ST7: variants seen among roughly 807,000 people sequenced by gnomAD.
ST7 encodes suppressor of tumorigenicity 7 protein.
A neutral mutation model predicts 78.7 loss-of-function variants in ST7; 28 were observed. The observed-to-expected ratio is 0.36, with a 90% CI of 0.26 to 0.49. The LOEUF is 0.49. Among genes scored for constraint, ST7 ranks in the 20% least tolerant of loss-of-function variants. The probability of loss-of-function intolerance (pLI) is 0.99; values close to 1 mark genes in which losing one functional copy is unlikely to be tolerated. For missense variants in ST7, 418 were observed against 696.0 expected (o/e 0.60, Z 4.49); for synonymous variants, 247 against 249.6 (o/e 0.99, Z 0.10).
chr7:116,977,222 T>C (rs945174158), intron 1 of ST7, among the ~76,000 whole-genome samples: 10 of 152,240 alleles, frequency 6.6e-5, no homozygotes, highest in African/African-American at 2.2e-4. Flanking sequence ...TCTTTCCATG[T>C]AATAATCTAA....
At chr7:117,026,914 T>G (rs1796212185) in intron 1 of ST7, among the ~76,000 whole-genome samples, 1 of 152,140 alleles carries the variant, frequency 6.6e-6, no homozygotes, top group Non-Finnish European at 1.5e-5. Flanking sequence ...ATAGGAGGTT[T>G]GAGGGGAGGA....
At chr7:117,221,858 A>G (rs1013257133) in intron 14 of ST7, 65 bp from the exon 15 acceptor site, 41 of 1,496,280 alleles carry the variant, frequency 2.7e-5, no homozygotes, top group Non-Finnish European at 3.5e-5. Context: ...GTGCCACCAT[A>G]AAGACCTCCC....
chr7:116,953,807 A>G (rs1036269978), intron 1 of ST7, 116 bp downstream of exon 1: 24 of 671,152 alleles, frequency 3.6e-5, no homozygotes, highest in Admixed American at 6.3e-5. Context: ...GGGCCCGCGC[A>G]CCGGAGGCCC....
At chr7:117,044,503 C>T (rs1247108215) in intron 1 of ST7, among the ~76,000 whole-genome samples, 12 of 152,234 alleles carry the variant, frequency 7.9e-5, no homozygotes, top group African/African-American at 2.2e-4. Context: ...TGTGCCACCA[C>T]GCCCATCTAA....
At chr7:117,063,248 A>T (rs928974427) in intron 1 of ST7, among the ~76,000 whole-genome samples, 4 of 152,212 alleles carry the variant, frequency 2.6e-5, no homozygotes, top group Non-Finnish European at 5.9e-5. Flanking sequence ...AAATAATATG[A>T]CTGATGATTT....
intron 1 of ST7, among the ~76,000 whole-genome samples, chr7:117,015,985 CAGTT>C (rs2115967917): frequency 6.6e-6 from 1 of 152,192 alleles, no homozygotes; most frequent in South Asian, 2.1e-4. Context: ...TTTGGCAAGA[CAGTT>C]AATTACAGTG....
intron 1 of ST7, among the ~76,000 whole-genome samples, chr7:116,963,873 C>T (rs186894702): frequency 1.1e-3 from 160 of 152,074 alleles, no homozygotes; most frequent in African/African-American, 3.6e-3. Flanking sequence ...CTTCGTGATC[C>T]GCCCGCCTCG....
At chr7:117,110,426 C>G (rs1368496441) in intron 2 of ST7, among the ~76,000 whole-genome samples, 1 of 152,122 alleles carries the variant, frequency 6.6e-6, no homozygotes, top group Non-Finnish European at 1.5e-5. Flanking sequence ...TTTACTCTTC[C>G]CCACCGTACA....
chr7:116,988,900 T>C (rs923264761), intron 1 of ST7, among the ~76,000 whole-genome samples: 3 of 152,128 alleles, frequency 2.0e-5, no homozygotes, highest in Non-Finnish European at 4.4e-5. Flanking sequence ...AAATAGCAAA[T>C]ACCTACTGAG....
intron 10 of ST7, among the ~76,000 whole-genome samples, chr7:117,181,180 A>G (rs770151274): frequency 1.3e-5 from 2 of 152,220 alleles, no homozygotes; most frequent in Admixed American, 1.3e-4. Context: ...GTACAAAAAG[A>G]TCAGAATGAC....
rs1415652849 is a variant in ST7, at chr7:117,167,271, T to TC, written c.964-3589dup. Among the ~76,000 whole-genome samples the TC allele has an allele frequency of 2.2e-5, 3 of 136,682 alleles. No individual in the cohort carries two copies. In the Admixed American group the frequency reaches 2.4e-4, roughly 11 times the overall value. The allele number at this position is 136,682 out of a possible 152,430, so 89.7% of individuals were successfully genotyped here. A position where few individuals can be genotyped will look rare whatever the true frequency, so the allele number is the denominator to read the frequency against. On this transcript the variant is annotated intron_variant, in intron 9 of 15. Coordinates refer to ENST00000323984, the MANE Select transcript of ST7 (RefSeq NM_001369598.1). ...AGAGTGTGATGTTCCCCTTCCTGTG[T>TC]CCAAGTGTTCATGATTCTTAAGGTG...
intron 3 of ST7, among the ~76,000 whole-genome samples, chr7:117,120,206 G>A (rs763835415): frequency 2.6e-5 from 4 of 152,068 alleles, no homozygotes; most frequent in Non-Finnish European, 4.4e-5. Context: ...CTGGGACTAC[G>A]GGTGTGAGCC....
At chr7:117,116,361 C>T (rs1444952558) in intron 2 of ST7, among the ~76,000 whole-genome samples, 2 of 152,146 alleles carry the variant, frequency 1.3e-5, no homozygotes, top group Non-Finnish European at 2.9e-5. Context: ...TTGCTGTTTA[C>T]ATTGTAGGTA....
intron 1 of ST7, among the ~76,000 whole-genome samples, chr7:116,979,991 C>T (rs1793881788): frequency 1.1e-5 from 1 of 92,354 alleles, no homozygotes; most frequent in African/African-American, 4.1e-5. Context: ...CAGAGTCTCA[C>T]TCTGTCGCAT....
At chr7:117,188,589 C>T (rs1356024087) in intron 10 of ST7, among the ~76,000 whole-genome samples, 9 of 152,148 alleles carry the variant, frequency 5.9e-5, no homozygotes, top group Non-Finnish European at 5.9e-5. Flanking sequence ...CCCACACCCA[C>T]CCTGGCCCTT....
At chr7:116,960,129 C>A (rs1792746849) in intron 1 of ST7, among the ~76,000 whole-genome samples, 1 of 152,082 alleles carries the variant, frequency 6.6e-6, no homozygotes, top group Non-Finnish European at 1.5e-5. Flanking sequence ...CAAATCTGAA[C>A]TTCCACCTCT....
At chr7:117,099,120 G>T (rs1385008626) in intron 1 of ST7, among the ~76,000 whole-genome samples, 1 of 142,116 alleles carries the variant, frequency 7.0e-6, no homozygotes, top group Non-Finnish European at 1.5e-5. Flanking sequence ...ATTTTTAGAG[G>T]TTTATTTTTC....
chr7:117,117,652 C>A (rs977625465), intron 2 of ST7, among the ~76,000 whole-genome samples: 2 of 152,094 alleles, frequency 1.3e-5, no homozygotes, highest in African/African-American at 2.4e-5. Context: ...GCTGTAGTAA[C>A]CTGAATTATA....
intron 1 of ST7, among the ~76,000 whole-genome samples, chr7:117,080,049 C>T (rs1233279398): frequency 1.6e-5 from 2 of 127,844 alleles, no homozygotes; most frequent in Non-Finnish European, 3.1e-5. Context: ...GGCGGGATCT[C>T]GGCTCACCGC....
Sources: allele counts gnomAD v4.1 joint callset (sites outside exome capture counted in the v4.1 genomes callset), GRCh38; gene constraint gnomAD v4.1.1; transcripts MANE v1.5; gene names NCBI Gene and HGNC (gene_info 2026-07-23, HGNC 2026-07-21).